The following KCNJ6 variants were observed in gnomAD, a reference collection of about 807,000 sequenced individuals.
KCNJ6 encodes G protein-activated inward rectifier potassium channel 2.
A neutral mutation model predicts 34.2 loss-of-function variants in KCNJ6; 9 were observed. The observed-to-expected ratio is 0.26, with a 90% CI of 0.16 to 0.46. The LOEUF is 0.46. Ranked by LOEUF, KCNJ6 falls within the 20% of genes least tolerant of loss-of-function variation. The pLI is 1.00. For synonymous variants in KCNJ6, 196 were observed against 207.1 expected (o/e 0.95, Z 0.46); for missense variants, 236 against 531.3 (o/e 0.44, Z 5.46).
At chr21:37,886,799 A>C (rs1227317889) in intron 1 of KCNJ6, among the ~76,000 whole-genome samples, 1 of 152,068 alleles carries the variant, frequency 6.6e-6, no homozygotes, top group African/African-American at 2.4e-5. Flanking sequence ...CCACTTTTTG[A>C]GGGCTGGAAT....
intron 2 of KCNJ6, among the ~76,000 whole-genome samples, chr21:37,767,220 A>G (rs190769291): frequency 7.9e-5 from 12 of 152,316 alleles, no homozygotes; most frequent in Non-Finnish European, 2.9e-5. Context: ...ATCTTTGTCT[A>G]GGTGAGAAAG....
intron 1 of KCNJ6, among the ~76,000 whole-genome samples, chr21:37,915,654 G>C (rs995576792): frequency 1.3e-5 from 2 of 152,228 alleles, no homozygotes; most frequent in African/African-American, 4.8e-5. Flanking sequence ...CGCCCCCCGT[G>C]CGAGTTTCAG....
At chr21:37,701,293 C>A (rs923765459) in intron 3 of KCNJ6, among the ~76,000 whole-genome samples, 1 of 152,148 alleles carries the variant, frequency 6.6e-6, no homozygotes, top group African/African-American at 2.4e-5. Flanking sequence ...GGAAGGGAAC[C>A]TTGAAGGAGA....
intron 1 of KCNJ6, among the ~76,000 whole-genome samples, chr21:37,844,458 GT>G (rs942738122): frequency 3.9e-5 from 6 of 152,006 alleles, no homozygotes; most frequent in African/African-American, 1.4e-4. Context: ...AACCCTGAAG[GT>G]TTATCATGAA....
rs745535359 is a variant in KCNJ6, at chr21:37,714,196, T to G, written c.946+15A>C. On this transcript the variant is annotated intron_variant, in intron 3 of 3. Coordinates refer to ENST00000609713, the MANE Select transcript of KCNJ6 (RefSeq NM_002240.5). The surrounding 1 kb of genome is among the most constrained non-coding windows in gnomAD (Gnocchi z 5.9). ...CATCTATCCCACAGCCATCCCAGGA[T>G]AGAACACATCTTACCTGTGGCTTCC... is the stretch of plus-strand genomic sequence containing the variant. The G allele has an allele frequency of 6.3e-7, 1 of 1,587,174 alleles. No homozygotes were observed. The highest frequency in any genetic ancestry group is 1.1e-5 in the South Asian group (1 of 89,462).
chr21:37,643,570 C>A (rs1274721008), intron 3 of KCNJ6, among the ~76,000 whole-genome samples: 1 of 152,160 alleles, frequency 6.6e-6, no homozygotes, highest in Non-Finnish European at 1.5e-5. Context: ...GGGAGTCGGA[C>A]CAATGTGTGT....
At chr21:37,682,228 C>A (rs1392019702) in intron 3 of KCNJ6, among the ~76,000 whole-genome samples, 1 of 152,166 alleles carries the variant, frequency 6.6e-6, no homozygotes, top group African/African-American at 2.4e-5. Flanking sequence ...ATCAGGGTGT[C>A]CTCAGGGCTG....
At chr21:37,783,631 C>G (rs1245196618) in intron 2 of KCNJ6, among the ~76,000 whole-genome samples, 5 of 152,170 alleles carry the variant, frequency 3.3e-5, no homozygotes, top group Admixed American at 6.5e-5. Flanking sequence ...ACCTGAATAC[C>G]TGGAATTCTG....
chr21:37,810,504 A>G (rs1310640530), intron 2 of KCNJ6, among the ~76,000 whole-genome samples: 1 of 152,216 alleles, frequency 6.6e-6, no homozygotes, highest in Non-Finnish European at 1.5e-5. Flanking sequence ...TGAACAGTCA[A>G]TAAAATGTAC....
intron 3 of KCNJ6, among the ~76,000 whole-genome samples, chr21:37,696,080 A>T (rs986472084): frequency 2.6e-5 from 4 of 152,216 alleles, no homozygotes; most frequent in African/African-American, 9.6e-5. Context: ...GGAGGGGAAA[A>T]GCTCTTCCTT....
In KCNJ6 at chr21:37,616,001, G is replaced by C. The variant is rs2054265352; in HGVS notation, c.*9158C>G. 6.6e-6 allele frequency: 1 copy of C among 152,236 alleles called. No homozygotes were observed. Among genetic ancestry groups the C allele is most frequent in the African/African-American group, 2.4e-5 (1 of 41,454 alleles). The allele number at this position is 152,236 out of a possible 1,614,324, so 9.4% of individuals were successfully genotyped here. A position where few individuals can be genotyped will look rare whatever the true frequency, so the allele number is the denominator to read the frequency against. On this transcript the variant is annotated 3_prime_UTR_variant, in exon 4 of 4. Transcript: ENST00000609713. ...AAAGGATGGGAATACCCCAGACCTG[G>C]CGTGCGGAGGGAGCTCCTGTGTGCT...
intron 2 of KCNJ6, among the ~76,000 whole-genome samples, chr21:37,831,366 G>C (rs1568864627): frequency 1.3e-5 from 2 of 152,196 alleles, no homozygotes; most frequent in Non-Finnish European, 2.9e-5. Context: ...CTAATGTGAT[G>C]AAGAAGCATA....
At chr21:37,773,666 T>C (rs2055128486) in intron 2 of KCNJ6, among the ~76,000 whole-genome samples, 1 of 152,212 alleles carries the variant, frequency 6.6e-6, no homozygotes, top group African/African-American at 2.4e-5. Context: ...TCATCATCTC[T>C]ATTTTTCTCT....
intron 1 of KCNJ6, among the ~76,000 whole-genome samples, chr21:37,887,626 GT>G (rs1164858332): frequency 6.6e-6 from 1 of 152,178 alleles, no homozygotes; most frequent in African/African-American, 2.4e-5. Context: ...GTGATGTGTG[GT>G]GGTGATTTTA....
At chr21:37,857,856 T>C (rs2055572993) in intron 1 of KCNJ6, among the ~76,000 whole-genome samples, 1 of 152,110 alleles carries the variant, frequency 6.6e-6, no homozygotes, top group African/African-American at 2.4e-5. Context: ...ACAGTGAATA[T>C]AGTAAGTGAA....
At chr21:37,766,598 G>C (rs1455939649) in intron 2 of KCNJ6, among the ~76,000 whole-genome samples, 1 of 152,188 alleles carries the variant, frequency 6.6e-6, no homozygotes, top group Non-Finnish European at 1.5e-5. Flanking sequence ...GGGACCCCGG[G>C]CAGTGGAAGC....
In KCNJ6 at chr21:37,709,529, A is replaced by AAAAGAAAAG. The variant is rs1464085406; in HGVS notation, c.946+4673_946+4681dup. ...AACCCTGTCTCAAAAAAAAGAAAAG[A>AAAAGAAAAG]AAAGAAAAGAAATATCAGGTGTCTT... On this transcript the variant is annotated intron_variant, in intron 3 of 3. Transcript: ENST00000609713. 3.7e-4 allele frequency among the ~76,000 whole-genome samples: 56 copies of AAAAGAAAAG among 151,644 alleles called. 1 individual carries two copies. Among genetic ancestry groups the AAAAGAAAAG allele is most frequent in the African/African-American group, 1.3e-3 (52 of 41,240 alleles).
chr21:37,757,878 T>C (rs1447360810), intron 2 of KCNJ6, among the ~76,000 whole-genome samples: 2 of 152,286 alleles, frequency 1.3e-5, no homozygotes, highest in African/African-American at 4.8e-5. Context: ...AATGCTTTCC[T>C]TAGCAAATGA....
intron 1 of KCNJ6, among the ~76,000 whole-genome samples, chr21:37,858,809 A>T (rs1419543045): frequency 6.6e-6 from 1 of 152,206 alleles, no homozygotes; most frequent in Non-Finnish European, 1.5e-5. Context: ...AGCTATAGAA[A>T]TATAACTTAA....
Sources: allele counts gnomAD v4.1 joint callset (sites outside exome capture counted in the v4.1 genomes callset), GRCh38; gene constraint gnomAD v4.1.1; non-coding constraint Gnocchi (gnomAD v3.1); transcripts MANE v1.5; gene names NCBI Gene and HGNC (gene_info 2026-07-23, HGNC 2026-07-21).